Variants in TSPAN16 observed in about 807,000 individuals in gnomAD.
TSPAN16 encodes the protein tetraspanin-16.
In TSPAN16, 23 loss-of-function variants were observed where a neutral mutation model predicts 25.2. The observed-to-expected ratio is 0.91, with a 90% CI of 0.66 to 1.29. The LOEUF is 1.29. Among genes scored for constraint, TSPAN16 ranks in the 50% most tolerant of loss-of-function variants. The probability of loss-of-function intolerance (pLI) is 0.00; values close to 1 mark genes in which losing one functional copy is unlikely to be tolerated. For synonymous variants in TSPAN16, 123 were observed against 124.4 expected (o/e 0.99, Z 0.08); for missense variants, 272 against 299.9 (o/e 0.91, Z 0.69).
Position 11,296,373 on chromosome 19 carries a change from A to G in TSPAN16, c.69+7A>G, listed in dbSNP as rs750780788. 12 of 1,613,954 alleles carry G rather than the reference A, an allele frequency of 7.4e-6. No homozygotes were observed. Among genetic ancestry groups the G allele is most frequent in the Admixed American group, 1.7e-5 (1 of 59,996 alleles). On this transcript the variant is annotated splice_region_variant and intron_variant, in intron 1 of 6. Coordinates refer to ENST00000590327, the MANE Select transcript of TSPAN16 (RefSeq NM_001282509.2). ...ACTCAATGGCTTCGTGGCTGTAAGT[A>G]TGTCACAATCCAGGCCCCTGGTTTG... is the stretch of plus-strand genomic sequence containing the variant.
In TSPAN16 at chr19:11,306,549, TGA is replaced by T. The variant is rs754232640; in HGVS notation, c.451-54_451-53del. On this transcript the variant is annotated intron_variant, in intron 4 of 6. Transcript: ENST00000590327. ...CGGTAGCCATGGTAACCGTGATTTC[TGA>T]TGTTTTTATTATTTGAAAGGGACTC... 27 of 1,605,974 alleles carry T rather than the reference TGA, an allele frequency of 1.7e-5. No individual in the cohort carries two copies. The Admixed American group carries it at 4.2e-4, about 25-fold the overall frequency.
intron 6 of TSPAN16, chr19:11,322,891 G>A (rs1002326822): frequency 6.6e-6 from 1 of 152,078 alleles, no homozygotes. Context: ...TTTGACAGCA[G>A]TTTAGAGACA....
intron 4 of TSPAN16, among the ~76,000 whole-genome samples, chr19:11,305,429 C>T (rs2080615300): frequency 6.6e-6 from 1 of 151,652 alleles, no homozygotes; most frequent in Non-Finnish European, 1.5e-5. Context: ...ACTCGGGAGG[C>T]CGAGGTAGGA....
chr19:11,320,673 C>CA (rs34867288), downstream of TSPAN16, among the ~76,000 whole-genome samples: 2,706 of 114,236 alleles, frequency 0.024, 33 homozygotes, highest in East Asian at 0.066. Flanking sequence ...ACCTTGTCTC[C>CA]AAAAAAAAAA....
At chr19:11,326,360 G>A (rs1371100738) in intron 6 of TSPAN16, among the ~76,000 whole-genome samples, 1 of 152,144 alleles carries the variant, frequency 6.6e-6, no homozygotes, top group Non-Finnish European at 1.5e-5. Flanking sequence ...CAGCCTGGGT[G>A]ATGGAGCAAG....
chr19:11,325,625 G>T (rs753949014), intron 6 of TSPAN16: 7 of 1,352,878 alleles, frequency 5.2e-6, no homozygotes, highest in Non-Finnish European at 6.8e-6. Flanking sequence ...TAAGACCCCT[G>T]AGGGCAGAGT....
intron 6 of TSPAN16, chr19:11,324,424 G>C (rs986266157): frequency 1.3e-5 from 2 of 152,306 alleles, no homozygotes; most frequent in African/African-American, 4.8e-5. Context: ...GCCTGCGGTG[G>C]CTGGGAACGT....
At chr19:11,314,167 G>C (rs1355887329) in intron 6 of TSPAN16, among the ~76,000 whole-genome samples, 1 of 152,182 alleles carries the variant, frequency 6.6e-6, no homozygotes. Context: ...GGTAGTTAGT[G>C]ATTGCCAGGG....
At chr19:11,302,430 G>T (rs2080562029) in intron 4 of TSPAN16, among the ~76,000 whole-genome samples, 1 of 148,502 alleles carries the variant, frequency 6.7e-6, no homozygotes. Context: ...TCGGGAGGCT[G>T]AGGCAGGAGA....
chr19:11,296,451 C>A, intron 1 of TSPAN16, 85 bp downstream of exon 1: 1 of 1,419,140 alleles, frequency 7.0e-7, no homozygotes, highest in Non-Finnish European at 9.9e-7. Flanking sequence ...TAAGTTGATC[C>A]AAATTGGCAT....
chr19:11,296,677 T>C (rs2080481693), intron 1 of TSPAN16, among the ~76,000 whole-genome samples: 1 of 152,226 alleles, frequency 6.6e-6, no homozygotes, highest in Non-Finnish European at 1.5e-5. Context: ...AAAGGGTTAT[T>C]TTCTTGATCT....
At chr19:11,325,737 T>C (rs756960449) in intron 6 of TSPAN16, 1 of 670,906 alleles carries the variant, frequency 1.5e-6, no homozygotes, top group Non-Finnish European at 2.5e-6. Context: ...AAGCCTCAGT[T>C]TGCTCACCTG....
downstream of TSPAN16, among the ~76,000 whole-genome samples, chr19:11,316,203 C>A (rs1202530177): frequency 1.3e-5 from 2 of 151,328 alleles, no homozygotes; most frequent in Non-Finnish European, 2.9e-5. Flanking sequence ...ACTGCAACCT[C>A]CACCTCCGGG....
chr19:11,300,643 G>C (rs1419702066), intron 3 of TSPAN16: 1 of 152,866 alleles, frequency 6.5e-6, no homozygotes, highest in Non-Finnish European at 1.5e-5. Context: ...CATCTCTTTG[G>C]GGACACAGGA....
chr19:11,303,576 TTA>T (rs1491157013), intron 4 of TSPAN16, among the ~76,000 whole-genome samples: 2,653 of 74,452 alleles, frequency 0.036, 60 homozygotes, highest in Admixed American at 0.074. Flanking sequence ...AATAAATAAA[TTA>T]AAAAAAAAAA....
intron 4 of TSPAN16, among the ~76,000 whole-genome samples, chr19:11,305,780 C>A (rs527321352): frequency 1.3e-5 from 2 of 152,032 alleles, no homozygotes; most frequent in South Asian, 4.1e-4. Flanking sequence ...GAGGGAGAAT[C>A]GCTTGAGCCC....
intron 5 of TSPAN16, among the ~76,000 whole-genome samples, chr19:11,311,126 C>T (rs1478700647): frequency 6.6e-5 from 10 of 152,260 alleles, no homozygotes; most frequent in East Asian, 3.9e-4. Context: ...CATGAGCCAT[C>T]GTGCCCAGCC....
chr19:11,302,886 T>C (rs1599332690), intron 4 of TSPAN16, among the ~76,000 whole-genome samples: 1 of 130,956 alleles, frequency 7.6e-6, no homozygotes, highest in East Asian at 2.1e-4. Context: ...GCCTGGCTAA[T>C]TTTTTTTTTT....
chr19:11,312,309 G>T, intron 6 of TSPAN16, 87 bp downstream of exon 6: 3 of 638,554 alleles, frequency 4.7e-6, no homozygotes, highest in Non-Finnish European at 4.7e-6. Flanking sequence ...TGGGACACAG[G>T]AGTGAACAAA....
Sources: gnomAD v4.1 joint callset for allele counts (sites outside exome capture counted in the v4.1 genomes callset) on GRCh38, gnomAD v4.1.1 for gene constraint, MANE v1.5 for transcripts, NCBI Gene and HGNC (gene_info 2026-07-23, HGNC 2026-07-21) for gene names.